The following PAPPA variants were observed in gnomAD, a reference collection of about 807,000 sequenced individuals.
PAPPA encodes pappalysin-1.
Under a neutral mutation model 164.0 loss-of-function variants are expected in PAPPA, and 60 were observed. The observed-to-expected ratio is 0.37, with a 90% CI of 0.30 to 0.45. PAPPA has a LOEUF of 0.45. Among genes scored for constraint, PAPPA ranks in the 20% least tolerant of loss-of-function variants. The pLI, the probability that PAPPA is intolerant of heterozygous loss-of-function variation, is 1.00. For missense variants in PAPPA, 1,782 were observed against 2,087.3 expected (o/e 0.85, Z 2.85); for synonymous variants, 875 against 814.1 (o/e 1.07, Z -1.27).
At chr9:116,249,051 C>A (rs1043976389) in intron 7 of PAPPA, among the ~76,000 whole-genome samples, 1 of 152,138 alleles carries the variant, frequency 6.6e-6, no homozygotes, top group Non-Finnish European at 1.5e-5. Context: ...ATTCAACAGG[C>A]AATTATTTAG....
chr9:116,189,855 A>G lies in PAPPA; in HGVS notation c.1478+1639A>G, dbSNP rs377623812. ...CCTCCCGTGCGTGAACAAAATACCTATGTGCAAAGGAATGAGGATGCTGGC... is the reference window on the plus strand; with the variant it reads ...CCTCCCGTGCGTGAACAAAATACCTGTGTGCAAAGGAATGAGGATGCTGGC... On this transcript the variant is annotated intron_variant, in intron 2 of 21. Transcript: ENST00000328252. Among the ~76,000 whole-genome samples the G allele has an allele frequency of 2.0e-5, 3 of 152,258 alleles. No homozygotes were observed. In the East Asian group the frequency reaches 5.8e-4, roughly 30 times the overall value.
intron 2 of PAPPA, 108 bp downstream of exon 2, chr9:116,188,324 T>C: frequency 1.3e-6 from 1 of 772,088 alleles, no homozygotes; most frequent in South Asian, 1.9e-5. Context: ...ATTTTCTGGT[T>C]CAACCAGCAG....
chr9:116,234,767 C>T (rs1844639454), intron 6 of PAPPA, among the ~76,000 whole-genome samples: 1 of 152,160 alleles, frequency 6.6e-6, no homozygotes, highest in African/African-American at 2.4e-5. Context: ...TAAATAAGTC[C>T]TTGCAAGAAT....
intron 9 of PAPPA, among the ~76,000 whole-genome samples, chr9:116,282,419 C>T (rs540998432): frequency 1.3e-5 from 2 of 152,272 alleles, no homozygotes; most frequent in South Asian, 4.1e-4. Context: ...GCATATATTT[C>T]CACCCTTTTT....
intron 5 of PAPPA, among the ~76,000 whole-genome samples, chr9:116,220,423 A>G (rs1405838741): frequency 1.3e-5 from 2 of 151,132 alleles, no homozygotes; most frequent in Admixed American, 1.3e-4. Context: ...GATGGAGGTA[A>G]TAGTCTCATC....
chr9:116,224,176 A>G (rs1403289223), intron 5 of PAPPA, among the ~76,000 whole-genome samples: 1 of 152,204 alleles, frequency 6.6e-6, no homozygotes, highest in Non-Finnish European at 1.5e-5. Flanking sequence ...AAACATATTC[A>G]GATCCTCCCA....
At position 116,331,279 on chromosome 9, in the gene PAPPA, C is replaced by T; in HGVS notation, c.3183C>T (p.Gly1061=). Residue 1061 remains glycine (G), a synonymous_variant, in exon 11 of 22, where the codon GGC becomes GGT. Coordinates refer to ENST00000328252, the MANE Select transcript of PAPPA (RefSeq NM_002581.5). ...CRTKVIDLSE[G]ISQHAWYPCT... ...CCAAGGTGATAGATCTCAGTGAAGG[C>T]ATTTCCCAGCATGCCTGGTACCCTT... The T allele has an allele frequency of 1.2e-6, 2 of 1,613,188 alleles. No individual in the cohort carries two copies. The highest frequency in any genetic ancestry group is 1.1e-5 in the South Asian group (1 of 91,040).
At chr9:116,190,605 C>T (rs943310101) in intron 2 of PAPPA, among the ~76,000 whole-genome samples, 2 of 152,178 alleles carry the variant, frequency 1.3e-5, no homozygotes, top group Admixed American at 6.5e-5. Flanking sequence ...AGTGGCGCTA[C>T]TAAAGTTTTG....
intron 13 of PAPPA, among the ~76,000 whole-genome samples, chr9:116,336,106 G>A (rs759506765): frequency 1.3e-5 from 2 of 152,126 alleles, no homozygotes; most frequent in Admixed American, 6.5e-5. Context: ...AAGAACTTGC[G>A]CAGAGTTGCA....
chr9:116,154,242 C>G lies in PAPPA; in HGVS notation c.70C>G (p.Arg24Gly), dbSNP rs768165075. The part of the protein sequence containing the change: ...SAALGCGLAE[R>G]PRRARRDPRA... ...CGCGCTGGGCTGCGGGCTGGCCGAG[C>G]GTCCCCGCCGGGCCCGGAGAGACCC... Residue 24 changes from arginine to glycine, a missense_variant, in exon 1 of 22, where the codon CGT becomes GGT. By Grantham distance (125) the Arg-to-Gly change is moderately radical. Transcript: ENST00000328252. The surrounding 1 kb of genome is among the most constrained non-coding windows in gnomAD (Gnocchi z 5.2). 2 of 1,398,116 alleles carry G rather than the reference C, an allele frequency of 1.4e-6. No individual in the cohort carries two copies. The highest frequency in any genetic ancestry group is 2.6e-5 in the South Asian group (2 of 77,042). 86.6% of individuals were successfully genotyped at this position (1,398,116 alleles called of 1,614,324 possible).
chr9:116,234,130 A>G (rs1177891549), intron 6 of PAPPA, among the ~76,000 whole-genome samples: 1 of 152,182 alleles, frequency 6.6e-6, no homozygotes, highest in Non-Finnish European at 1.5e-5. Flanking sequence ...TAAACAAATT[A>G]GAGCCAATCA....
chr9:116,351,841 G>A (rs1026983131), intron 15 of PAPPA, among the ~76,000 whole-genome samples: 2 of 152,064 alleles, frequency 1.3e-5, no homozygotes, highest in Non-Finnish European at 2.9e-5. Context: ...GCAAGTCCCC[G>A]AGCCCCCGAC....
chr9:116,257,228 A>T (rs928141445), intron 7 of PAPPA, among the ~76,000 whole-genome samples: 2 of 152,026 alleles, frequency 1.3e-5, no homozygotes, highest in African/African-American at 4.8e-5. Context: ...AATAATTTTT[A>T]AAACAGGAAT....
At chr9:116,207,877 C>T (rs956517509) in intron 3 of PAPPA, among the ~76,000 whole-genome samples, 2 of 152,186 alleles carry the variant, frequency 1.3e-5, no homozygotes, top group Admixed American at 6.5e-5. Context: ...TATCCAACAT[C>T]ACACGCAAGA....
intron 19 of PAPPA, among the ~76,000 whole-genome samples, chr9:116,371,784 C>T (rs912175991): frequency 6.6e-6 from 1 of 152,036 alleles, no homozygotes; most frequent in East Asian, 1.9e-4. Flanking sequence ...AACCACTACT[C>T]ATATTAGGAT....
intron 7 of PAPPA, among the ~76,000 whole-genome samples, chr9:116,259,515 A>G (rs2118799128): frequency 6.6e-6 from 1 of 152,344 alleles, no homozygotes; most frequent in South Asian, 2.1e-4. Flanking sequence ...ATGACTAGAA[A>G]CCTACTTGAT....
intron 1 of PAPPA, among the ~76,000 whole-genome samples, chr9:116,167,504 A>G (rs1169393774): frequency 2.6e-5 from 4 of 152,180 alleles, no homozygotes; most frequent in Non-Finnish European, 5.9e-5. Flanking sequence ...TGTTTGCCAA[A>G]AATGTTTTTG....
At chr9:116,370,423 C>A (rs1846557933) in intron 19 of PAPPA, among the ~76,000 whole-genome samples, 1 of 152,184 alleles carries the variant, frequency 6.6e-6, no homozygotes, top group African/African-American at 2.4e-5. Context: ...CTTCAGCTAT[C>A]CCTGCAGCCT....
intron 13 of PAPPA, among the ~76,000 whole-genome samples, chr9:116,342,090 G>T (rs1020729993): frequency 1.3e-5 from 2 of 152,148 alleles, no homozygotes; most frequent in African/African-American, 4.8e-5. Flanking sequence ...TTTCCCTCTG[G>T]GTCTTCATAA....
Sources: allele counts gnomAD v4.1 joint callset (sites outside exome capture counted in the v4.1 genomes callset), GRCh38; gene constraint gnomAD v4.1.1; non-coding constraint Gnocchi (gnomAD v3.1); transcripts MANE v1.5; gene names NCBI Gene and HGNC (gene_info 2026-07-23, HGNC 2026-07-21).